TRDN: variants seen among roughly 807,000 people sequenced by gnomAD.
The protein encoded by TRDN is triadin in skeletal muscle.
A neutral mutation model predicts 149.7 loss-of-function variants in TRDN; 161 were observed. That is an observed-to-expected ratio of 1.08 (90% CI 0.95 to 1.23). TRDN has a LOEUF of 1.23. TRDN is among the 50% of genes most tolerant of loss of function. The probability of loss-of-function intolerance (pLI) is 0.00; values close to 1 mark genes in which losing one functional copy is unlikely to be tolerated. For missense variants in TRDN, 896 were observed against 823.5 expected (o/e 1.09, Z -1.08); for synonymous variants, 294 against 250.5 (o/e 1.17, Z -1.64).
chr6:123,418,776 C>G (rs1773769815), intron 12 of TRDN, among the ~76,000 whole-genome samples: 1 of 152,088 alleles, frequency 6.6e-6, no homozygotes, highest in Non-Finnish European at 1.5e-5. Flanking sequence ...CATCCAGTGG[C>G]AGGGTTAGAC....
At position 123,250,029 on chromosome 6, in the gene TRDN, T is replaced by C. The variant is rs11963470; in HGVS notation, c.1975+2383A>G. 8.8e-3 allele frequency among the ~76,000 whole-genome samples: 1,339 copies of C among 152,136 alleles called. 18 individuals carry two copies. Among genetic ancestry groups the C allele is most frequent in the African/African-American group, 0.03 (1,259 of 41,532 alleles). ...GCAGAATACAAAATCAACATAAAAA[T>C]GAGTAGCATTTCCATACACCAATAA... On this transcript the variant is annotated intron_variant, in intron 38 of 40. Coordinates refer to ENST00000334268, the MANE Select transcript of TRDN (RefSeq NM_006073.4).
intron 9 of TRDN, among the ~76,000 whole-genome samples, chr6:123,477,404 G>A (rs1310978489): frequency 6.7e-6 from 1 of 149,172 alleles, no homozygotes; most frequent in African/African-American, 2.5e-5. Context: ...AAAAAGTCAG[G>A]AAACAACAGG....
At chr6:123,629,942 A>C (rs917374177) in intron 1 of TRDN, among the ~76,000 whole-genome samples, 1 of 152,056 alleles carries the variant, frequency 6.6e-6, no homozygotes, top group African/African-American at 2.4e-5. Context: ...AACCCTCACT[A>C]GGGGTAATAT....
In TRDN at chr6:123,413,025, A is replaced by G. The variant is rs1418645016; in HGVS notation, c.1052-19348T>C. On this transcript the variant is annotated intron_variant, in intron 12 of 40. Coordinates refer to ENST00000334268, the MANE Select transcript of TRDN (RefSeq NM_006073.4). ...TTACTTAAGGAGGAATGTGGTGGAC[A>G]ATGAAAAAATCACATTAAAAAGAAA... is the stretch of plus-strand genomic sequence containing the variant. 2.6e-5 allele frequency among the ~76,000 whole-genome samples: 4 copies of G among 152,298 alleles called. No homozygotes were observed. In the East Asian group the frequency reaches 7.7e-4, roughly 29 times the overall value.
At chr6:123,594,372 A>G (rs995747853) in intron 1 of TRDN, among the ~76,000 whole-genome samples, 1 of 152,136 alleles carries the variant, frequency 6.6e-6, no homozygotes, top group African/African-American at 2.4e-5. Context: ...CCTAATCCAG[A>G]CTAATCCAGA....
intron 2 of TRDN, among the ~76,000 whole-genome samples, chr6:123,564,676 T>C (rs1217006774): frequency 1.3e-5 from 2 of 152,210 alleles, no homozygotes; most frequent in African/African-American, 2.4e-5. Context: ...CTTCCTACTA[T>C]TATGTCTTTG....
intron 9 of TRDN, among the ~76,000 whole-genome samples, chr6:123,492,762 C>A (rs1388016319): frequency 6.6e-6 from 1 of 152,020 alleles, no homozygotes; most frequent in African/African-American, 2.4e-5. Flanking sequence ...AAGAAAAAAA[C>A]CCATAAATTG....
intron 23 of TRDN, among the ~76,000 whole-genome samples, chr6:123,331,093 A>C (rs945496996): frequency 1.3e-5 from 2 of 152,120 alleles, no homozygotes; most frequent in Non-Finnish European, 2.9e-5. Context: ...GAAAATTTTT[A>C]ATATTTACTT....
intron 2 of TRDN, among the ~76,000 whole-genome samples, chr6:123,569,145 T>C (rs1782432918): frequency 6.6e-6 from 1 of 152,200 alleles, no homozygotes; most frequent in South Asian, 2.1e-4. Context: ...ACATCATTAC[T>C]CTCAGGTCCG....
intron 38 of TRDN, among the ~76,000 whole-genome samples, chr6:123,251,213 C>G (rs116974998): frequency 0.018 from 2,771 of 152,160 alleles, 185 homozygotes; most frequent in Admixed American, 0.14. Context: ...CACCTGTAAT[C>G]AAAGACCTTT....
chr6:123,369,478 C>T (rs1748971047), intron 19 of TRDN, among the ~76,000 whole-genome samples: 1 of 152,050 alleles, frequency 6.6e-6, no homozygotes, highest in Non-Finnish European at 1.5e-5. Context: ...AGGAAGACCC[C>T]CACCCTGCAG....
In TRDN at chr6:123,353,139, A is replaced by C. The variant is rs536702386; in HGVS notation, c.1322-553T>G. ...AAGTATTCACTGTTTACCTATTTACAGTAGTTGACAGTCCAAAAGTAGAAC... is the reference window on the plus strand; with the variant it reads ...AAGTATTCACTGTTTACCTATTTACCGTAGTTGACAGTCCAAAAGTAGAAC... On this transcript the variant is annotated intron_variant, in intron 20 of 40. Coordinates refer to ENST00000334268, the MANE Select transcript of TRDN (RefSeq NM_006073.4). 2.0e-5 allele frequency among the ~76,000 whole-genome samples: 3 copies of C among 151,962 alleles called. No homozygotes were observed. In the East Asian group the frequency reaches 5.8e-4, roughly 29 times the overall value.
At chr6:123,579,863 C>G (rs1449757369) in intron 1 of TRDN, among the ~76,000 whole-genome samples, 1 of 152,106 alleles carries the variant, frequency 6.6e-6, no homozygotes, top group African/African-American at 2.4e-5. Flanking sequence ...GGGGCTCTGC[C>G]CCCTCCCTCA....
chr6:123,513,639 T>G (rs1169463315), intron 6 of TRDN, among the ~76,000 whole-genome samples: 2 of 151,974 alleles, frequency 1.3e-5, no homozygotes, highest in African/African-American at 4.8e-5. Context: ...AAATTGAACA[T>G]GAAGAAAATA....
intron 12 of TRDN, among the ~76,000 whole-genome samples, chr6:123,428,820 G>T (rs1463343920): frequency 6.6e-6 from 1 of 152,006 alleles, no homozygotes; most frequent in Non-Finnish European, 1.5e-5. Context: ...AGTGCTCATG[G>T]TATAATTTTT....
At chr6:123,284,005 T>TATATAA (rs1188677769) in intron 24 of TRDN, among the ~76,000 whole-genome samples, 3 of 122,774 alleles carry the variant, frequency 2.4e-5, no homozygotes, top group Admixed American at 8.3e-5. Context: ...TATATATATG[T>TATATAA]AACAAACCTG....
rs968059657 is a variant in TRDN at position 123,539,333 on chromosome 6, G to T, written c.424+8007C>A. Among the ~76,000 whole-genome samples, 7 of 152,142 alleles carry T rather than the reference G, an allele frequency of 4.6e-5. 1 individual carries two copies. The highest frequency in any genetic ancestry group is 4.6e-4 in the Admixed American group (7 of 15,276). ...CATTTCTAAATAGGTCCCATATGAT[G>T]CTAACATTGCTGGTCCATGGGCCAT... is the stretch of plus-strand genomic sequence containing the variant. On this transcript the variant is annotated intron_variant, in intron 4 of 40. Coordinates refer to ENST00000334268, the MANE Select transcript of TRDN (RefSeq NM_006073.4).
intron 1 of TRDN, among the ~76,000 whole-genome samples, chr6:123,621,614 A>G (rs1192756659): frequency 6.6e-6 from 1 of 152,130 alleles, no homozygotes; most frequent in Non-Finnish European, 1.5e-5. Flanking sequence ...GCTACATACA[A>G]CAACATAGAT....
intron 13 of TRDN, among the ~76,000 whole-genome samples, chr6:123,391,636 T>A (rs1416019555): frequency 1.3e-5 from 2 of 152,104 alleles, no homozygotes; most frequent in East Asian, 3.9e-4. Flanking sequence ...TATTTTAAAA[T>A]TCCAAAGAAT....
Sources: gnomAD v4.1 joint callset for allele counts (sites outside exome capture counted in the v4.1 genomes callset) on GRCh38, gnomAD v4.1.1 for gene constraint, MANE v1.5 for transcripts, NCBI Gene and HGNC (gene_info 2026-07-23, HGNC 2026-07-21) for gene names.